The following NRXN1 variants were observed in gnomAD, a reference collection of about 807,000 sequenced individuals.
NRXN1 encodes neurexin-1.
Under a neutral mutation model 150.9 loss-of-function variants are expected in NRXN1, and 39 were observed. The observed-to-expected ratio is 0.26, with a 90% CI of 0.20 to 0.34. NRXN1 has a LOEUF of 0.34. NRXN1 is among the 10% of genes least tolerant of loss of function. The pLI is 1.00. For synonymous variants in NRXN1, 924 were observed against 757.0 expected (o/e 1.22, Z -3.62); for missense variants, 1,815 against 1,949.9 (o/e 0.93, Z 1.30).
intron 5 of NRXN1, among the ~76,000 whole-genome samples, chr2:50,706,577 A>G (rs948228005): frequency 6.6e-6 from 1 of 152,184 alleles, no homozygotes; most frequent in Non-Finnish European, 1.5e-5. Flanking sequence ...AAATCTTCAC[A>G]GCCAATAAAG....
chr2:50,281,669 T>C (rs2071483784), intron 17 of NRXN1, among the ~76,000 whole-genome samples: 1 of 152,116 alleles, frequency 6.6e-6, no homozygotes, highest in Non-Finnish European at 1.5e-5. Flanking sequence ...AGCTCAAAGA[T>C]GATAAACTGT....
intron 18 of NRXN1, among the ~76,000 whole-genome samples, chr2:50,106,820 A>C (rs910364719): frequency 1.3e-5 from 2 of 152,014 alleles, no homozygotes; most frequent in Admixed American, 1.3e-4. Context: ...TATCTCATAA[A>C]TGTAAATGCA....
chr2:50,858,451 T>C (rs1675592373), intron 5 of NRXN1, among the ~76,000 whole-genome samples: 2 of 152,080 alleles, frequency 1.3e-5, no homozygotes, highest in African/African-American at 4.8e-5. Flanking sequence ...GGTTTTCATT[T>C]AAGTTGAGTA....
At chr2:50,506,766 G>C in intron 12 of NRXN1, 149 bp from the exon 13 acceptor site, 30 of 762,740 alleles carry the variant, frequency 3.9e-5, no homozygotes, top group Non-Finnish European at 5.0e-5. Flanking sequence ...AGGAGGGAGA[G>C]AAAGGAAACA....
rs533483891 is a variant in NRXN1 at position 50,448,187 on chromosome 2, C to T, written c.3364+17255G>A. ...GCAGGGGTTAGTCAGATTCTCTGGT[C>T]GTCTAATAAATAAAAACTCTGTTCT... On this transcript the variant is annotated intron_variant, in intron 17 of 22. Transcript: ENST00000401669. Among the ~76,000 whole-genome samples, 33 of 152,120 alleles carry T rather than the reference C, an allele frequency of 2.2e-4. No homozygotes were observed. The East Asian group carries it at 3.7e-3, about 17-fold the overall frequency.
intron 18 of NRXN1, among the ~76,000 whole-genome samples, chr2:50,120,828 A>G (rs1224761897): frequency 6.6e-6 from 1 of 152,216 alleles, no homozygotes; most frequent in East Asian, 1.9e-4. Context: ...TGATGCCACA[A>G]AAGTTATATT....
chr2:51,006,996 A>G (rs1700808878), intron 2 of NRXN1, among the ~76,000 whole-genome samples: 1 of 151,124 alleles, frequency 6.6e-6, no homozygotes, highest in African/African-American at 2.5e-5. Context: ...CCAATAGAGC[A>G]GTGACCTGCC....
chr2:51,014,443 T>A (rs1400115531), intron 2 of NRXN1, among the ~76,000 whole-genome samples: 1 of 152,082 alleles, frequency 6.6e-6, no homozygotes, highest in East Asian at 1.9e-4. Context: ...AGAGAAAGGA[T>A]ATTCATTAAA....
At chr2:50,736,135 T>C (rs954820454) in intron 5 of NRXN1, among the ~76,000 whole-genome samples, 10 of 152,200 alleles carry the variant, frequency 6.6e-5, no homozygotes, top group African/African-American at 2.4e-4. Flanking sequence ...GTATTTCAGC[T>C]ACTATGGAAC....
chr2:50,000,859 A>C (rs62134654), intron 21 of NRXN1, among the ~76,000 whole-genome samples: 1 of 151,934 alleles, frequency 6.6e-6, no homozygotes, highest in Non-Finnish European at 1.5e-5. Context: ...GTTCTGGCTG[A>C]GATGCGGTGC....
chr2:50,847,325 C>G (rs1244724022), intron 5 of NRXN1, among the ~76,000 whole-genome samples: 1 of 152,130 alleles, frequency 6.6e-6, no homozygotes, highest in Non-Finnish European at 1.5e-5. Flanking sequence ...CATCTGGAAA[C>G]TGGCGTTTAG....
intron 17 of NRXN1, among the ~76,000 whole-genome samples, chr2:50,358,755 G>A (rs575838868): frequency 8.5e-5 from 13 of 152,318 alleles, no homozygotes; most frequent in Admixed American, 3.3e-4. Flanking sequence ...GCCTTCTCAA[G>A]TGGGTCCCTG....
chr2:50,395,669 A>T (rs1331185797), intron 17 of NRXN1, among the ~76,000 whole-genome samples: 1 of 152,188 alleles, frequency 6.6e-6, no homozygotes, highest in Non-Finnish European at 1.5e-5. Context: ...AACTTATGCC[A>T]GGGAATGTGC....
chr2:50,538,693 T>C (rs1460787912), intron 9 of NRXN1, 57 bp from the exon 10 acceptor site: 3 of 1,352,986 alleles, frequency 2.2e-6, no homozygotes, highest in Non-Finnish European at 2.9e-6. Context: ...GTGTTATAAT[T>C]ATCTTTCTCT....
At chr2:50,720,685 T>A (rs1696526556) in intron 5 of NRXN1, among the ~76,000 whole-genome samples, 1 of 152,240 alleles carries the variant, frequency 6.6e-6, no homozygotes, top group South Asian at 2.1e-4. Context: ...ATCTCCTGCA[T>A]GTCCAAAGAC....
chr2:50,111,943 G>C (rs1022090073), intron 18 of NRXN1, among the ~76,000 whole-genome samples: 4 of 151,830 alleles, frequency 2.6e-5, no homozygotes, highest in African/African-American at 9.7e-5. Context: ...GTACCAAACC[G>C]TAAGATATAA....
intron 18 of NRXN1, among the ~76,000 whole-genome samples, chr2:50,110,559 C>T (rs1702251098): frequency 6.6e-6 from 1 of 150,380 alleles, no homozygotes; most frequent in Non-Finnish European, 1.5e-5. Flanking sequence ...ATACAACCTT[C>T]AAAATAAAAA....
intron 8 of NRXN1, among the ~76,000 whole-genome samples, chr2:50,573,785 C>A (rs1338843380): frequency 6.6e-6 from 1 of 151,202 alleles, no homozygotes; most frequent in African/African-American, 2.4e-5. Context: ...TAAAATGATA[C>A]AAATAAACAA....
intron 10 of NRXN1, among the ~76,000 whole-genome samples, chr2:50,537,843 G>C (rs1389409762): frequency 6.6e-6 from 1 of 152,198 alleles, no homozygotes; most frequent in Non-Finnish European, 1.5e-5. Flanking sequence ...GCAACTCATA[G>C]CTTAGCTTGC....
Sources: allele counts gnomAD v4.1 joint callset (sites outside exome capture counted in the v4.1 genomes callset), GRCh38; gene constraint gnomAD v4.1.1; transcripts MANE v1.5; gene names NCBI Gene and HGNC (gene_info 2026-07-23, HGNC 2026-07-21).